The following SOX5 variants were observed in gnomAD, a reference collection of about 807,000 sequenced individuals.
SOX5 encodes the protein transcription factor SOX-5.
SOX5 carries 9 observed loss-of-function variants against 92.0 expected under a neutral mutation model. The ratio of observed to expected loss-of-function variants is 0.10; its 90% CI spans 0.06 to 0.17. The LOEUF is 0.17. SOX5 is among the 10% of genes least tolerant of loss of function. The pLI is 1.00. For missense variants in SOX5, 642 were observed against 944.5 expected (o/e 0.68, Z 4.20); for synonymous variants, 344 against 336.3 (o/e 1.02, Z -0.25).
At chr12:24,212,702 G>T (rs1565668756) in intron 4 of SOX5, among the ~76,000 whole-genome samples, 1 of 152,212 alleles carries the variant, frequency 6.6e-6, no homozygotes, top group South Asian at 2.1e-4. Context: ...ACTGAGAAAC[G>T]TGACTAAAAC....
At position 23,676,697 on chromosome 12, in the gene SOX5, T is replaced by A. The variant is rs2085757087; in HGVS notation, c.811-11133A>T. ...AGTCAGACAATAAACCTCTGAACTA[T>A]GTAGTGTAATGAACTATGTAAAGTA... On this transcript the variant is annotated intron_variant, in intron 6 of 14. Transcript: ENST00000451604. 2.6e-5 allele frequency among the ~76,000 whole-genome samples: 4 copies of A among 152,228 alleles called. No homozygotes were observed. The South Asian group carries it at 8.3e-4, about 32-fold the overall frequency.
At chr12:24,485,372 A>G (rs1946413335) in intron 1 of SOX5, among the ~76,000 whole-genome samples, 1 of 152,230 alleles carries the variant, frequency 6.6e-6, no homozygotes, top group South Asian at 2.1e-4. Context: ...TTAGGATATG[A>G]GTAGCTTAGA....
intron 1 of SOX5, among the ~76,000 whole-genome samples, chr12:24,380,759 A>G (rs573164092): frequency 6.6e-6 from 1 of 152,342 alleles, no homozygotes; most frequent in South Asian, 2.1e-4. Flanking sequence ...GGCACAATGC[A>G]TAAGTGAGTA....
At chr12:24,028,890 A>G (rs1210775072) in intron 4 of SOX5, among the ~76,000 whole-genome samples, 1 of 152,036 alleles carries the variant, frequency 6.6e-6, no homozygotes, top group African/African-American at 2.4e-5. Context: ...TTGTTTCTGA[A>G]AACAGTAAGA....
At chr12:24,362,387 G>T (rs563858111) in intron 2 of SOX5, among the ~76,000 whole-genome samples, 14 of 152,268 alleles carry the variant, frequency 9.2e-5, no homozygotes, top group African/African-American at 3.4e-4. Context: ...GTGCAAGACA[G>T]TAACCTCTAG....
At chr12:23,914,404 C>T (rs2062012313) in intron 1 of SOX5, among the ~76,000 whole-genome samples, 2 of 152,088 alleles carry the variant, frequency 1.3e-5, no homozygotes, top group African/African-American at 4.8e-5. Context: ...ATTAAATAGA[C>T]ATTGATTTAC....
intron 1 of SOX5, among the ~76,000 whole-genome samples, chr12:24,371,501 T>A (rs550459292): frequency 3.9e-5 from 6 of 152,362 alleles, no homozygotes; most frequent in African/African-American, 1.2e-4. Flanking sequence ...TTTGTGATAA[T>A]TTGTTATACA....
chr12:24,537,772 C>A (rs1951768273), intron 1 of SOX5, among the ~76,000 whole-genome samples: 1 of 152,230 alleles, frequency 6.6e-6, no homozygotes, highest in South Asian at 2.1e-4. Flanking sequence ...AAGGCATTTT[C>A]TCGAAAGTTT....
intron 8 of SOX5, among the ~76,000 whole-genome samples, chr12:23,627,015 G>GATC (rs1223726460): frequency 1.3e-5 from 2 of 152,156 alleles, no homozygotes; most frequent in Non-Finnish European, 2.9e-5. Context: ...GGTTAGAATG[G>GATC]ATCATCATAG....
At chr12:23,945,888 A>T (rs1338294425) in intron 1 of SOX5, among the ~76,000 whole-genome samples, 1 of 152,128 alleles carries the variant, frequency 6.6e-6, no homozygotes, top group Non-Finnish European at 1.5e-5. Flanking sequence ...TGTGTCATAA[A>T]TATTTCATGA....
intron 4 of SOX5, among the ~76,000 whole-genome samples, chr12:24,048,669 T>C (rs1164186103): frequency 6.6e-6 from 1 of 152,220 alleles, no homozygotes; most frequent in African/African-American, 2.4e-5. Context: ...TGGAATATTA[T>C]TTGGCAAGAA....
At chr12:23,536,342 G>T in intron 14 of SOX5, 111 bp downstream of exon 14, 1 of 823,114 alleles carries the variant, frequency 1.2e-6, no homozygotes, top group Non-Finnish European at 2.0e-6. Context: ...AATACTGTGA[G>T]CTCAGATTCT....
chr12:23,922,048 G>A (rs1938433196), intron 1 of SOX5, among the ~76,000 whole-genome samples: 4 of 152,136 alleles, frequency 2.6e-5, no homozygotes, highest in Admixed American at 2.0e-4. Flanking sequence ...AGACGGACTA[G>A]CCGAAACACC....
chr12:23,538,480 A>G (rs913633848), intron 13 of SOX5, among the ~76,000 whole-genome samples: 1 of 152,294 alleles, frequency 6.6e-6, no homozygotes, highest in Admixed American at 6.5e-5. Flanking sequence ...AAGCCATATC[A>G]TTTGTAGGGA....
chr12:24,319,916 G>C (rs1206207121), intron 2 of SOX5, among the ~76,000 whole-genome samples: 1 of 152,146 alleles, frequency 6.6e-6, no homozygotes, highest in African/African-American at 2.4e-5. Flanking sequence ...CCCCATTCCT[G>C]ACAAACTTAA....
intron 2 of SOX5, among the ~76,000 whole-genome samples, chr12:24,366,730 T>C (rs1956214800): frequency 6.6e-6 from 1 of 152,122 alleles, no homozygotes; most frequent in Non-Finnish European, 1.5e-5. Context: ...TTCCCCCCTG[T>C]ACTCTGTACT....
At position 23,640,827 on chromosome 12, in the gene SOX5, G is replaced by T. The variant is rs990049383; in HGVS notation, c.1002C>A (p.Gly334=). 1.2e-6 allele frequency: 2 copies of T among 1,613,382 alleles called. No homozygotes were observed. Among genetic ancestry groups the T allele is most frequent in the Admixed American group, 1.7e-5 (1 of 60,006 alleles). Residue 334 remains glycine (G), a synonymous_variant, in exon 8 of 15, where the codon GGC becomes GGA. Transcript: ENST00000451604. ...AAAAAATPGL[G]PLQLQQLYAA... ...CCTGACTTACCTGCAGTTGGAGTGG[G>T]CCTAAGCCTGGTGTTGCTGCGGCAG...
intron 8 of SOX5, among the ~76,000 whole-genome samples, chr12:23,635,771 G>C (rs1029051100): frequency 6.6e-6 from 1 of 152,102 alleles, no homozygotes; most frequent in African/African-American, 2.4e-5. Context: ...ACCAGTTTAG[G>C]GGCTGCTGTG....
rs34975795 is a variant in SOX5, at chr12:23,674,336, A to ATTTTTTTTTTTTTTTTTTTTTT, written c.811-8773_811-8772insAAAAAAAAAAAAAAAAAAAAAA. Among the ~76,000 whole-genome samples, 142 of 97,366 alleles carry ATTTTTTTTTTTTTTTTTTTTTT rather than the reference A, an allele frequency of 1.5e-3. 21 individuals are homozygous for ATTTTTTTTTTTTTTTTTTTTTT. The highest frequency in any genetic ancestry group is 7.6e-3 in the Middle Eastern group (1 of 132). The allele number at this position is 97,366 out of a possible 152,430, so 63.9% of individuals were successfully genotyped here. A position where few individuals can be genotyped will look rare whatever the true frequency, so the allele number is the denominator to read the frequency against. On this transcript the variant is annotated intron_variant, in intron 6 of 14. Coordinates refer to ENST00000451604, the MANE Select transcript of SOX5 (RefSeq NM_006940.6). ...AAATATTTTCTTACCATAAAAAGGA[A>ATTTTTTTTTTTTTTTTTTTTTT]TTTTTTTTTTTTTTTTTTGAGACGG...
Sources: allele counts gnomAD v4.1 joint callset (sites outside exome capture counted in the v4.1 genomes callset), GRCh38; gene constraint gnomAD v4.1.1; transcripts MANE v1.5; gene names NCBI Gene and HGNC (gene_info 2026-07-23, HGNC 2026-07-21).